The following PIP4K2A variants were observed in gnomAD, a reference collection of about 807,000 sequenced individuals.
The protein encoded by PIP4K2A is phosphatidylinositol 5-phosphate 4-kinase type-2 alpha.
Under a neutral mutation model 42.9 loss-of-function variants are expected in PIP4K2A, and 14 were observed. The ratio of observed to expected loss-of-function variants is 0.33; its 90% confidence interval spans 0.22 to 0.51. The LOEUF (loss-of-function observed/expected upper bound fraction) is 0.51, where lower values mean the gene tolerates loss of function less well. Ranked by LOEUF, PIP4K2A falls within the 20% of genes least tolerant of loss-of-function variation. The pLI is 0.97. For missense variants in PIP4K2A, 434 were observed against 519.8 expected, an observed-to-expected ratio of 0.83 and a Z score of 1.61; for synonymous variants, 192 against 192.2, an observed-to-expected ratio of 1.00 and a Z score of 0.01.
chr10:22,702,504 G>C (rs537690117), intron 1 of PIP4K2A, among the ~76,000 whole-genome samples: 2 of 152,310 alleles, frequency 1.3e-5, no homozygotes, highest in South Asian at 2.1e-4. Flanking sequence ...GACACTGTTT[G>C]AAAGAAGTTG....
At chr10:22,585,751 C>A (rs937400256) in intron 4 of PIP4K2A, among the ~76,000 whole-genome samples, 2 of 152,046 alleles carry the variant, frequency 1.3e-5, no homozygotes, top group African/African-American at 4.8e-5. Context: ...CAGGCATACA[C>A]CCCCAGCTAA....
intron 4 of PIP4K2A, among the ~76,000 whole-genome samples, chr10:22,577,231 G>A (rs751100963): frequency 2.6e-5 from 4 of 152,074 alleles, no homozygotes; most frequent in Non-Finnish European, 4.4e-5. Flanking sequence ...CCTACTTCAG[G>A]TGGAAAAGGG....
chr10:22,683,520 T>C (rs1246900088), intron 1 of PIP4K2A, among the ~76,000 whole-genome samples: 1 of 152,190 alleles, frequency 6.6e-6, no homozygotes, highest in African/African-American at 2.4e-5. Context: ...GTCCCCAGCC[T>C]TCTCCTCAGT....
intron 1 of PIP4K2A, among the ~76,000 whole-genome samples, chr10:22,647,322 GTA>G (rs1491034667): frequency 5.8e-4 from 50 of 86,628 alleles, no homozygotes; most frequent in South Asian, 1.2e-3. Context: ...GTGTGTGTGT[GTA>G]TGTGTGTGTG....
intron 6 of PIP4K2A, among the ~76,000 whole-genome samples, chr10:22,565,915 G>C (rs1371435760): frequency 6.6e-6 from 1 of 152,074 alleles, no homozygotes; most frequent in African/African-American, 2.4e-5. Context: ...AGCGCTCCCA[G>C]GCTTATTAGG....
chr10:22,664,104 C>CATATATATACAT (rs1839276649), intron 1 of PIP4K2A, among the ~76,000 whole-genome samples: 1 of 50,374 alleles, frequency 2.0e-5, no homozygotes, highest in East Asian at 3.5e-4. Flanking sequence ...TATATATATA[C>CATATATATACAT]ATATATATAT....
At chr10:22,568,657 C>T (rs1359686864) in intron 5 of PIP4K2A, among the ~76,000 whole-genome samples, 1 of 152,130 alleles carries the variant, frequency 6.6e-6, no homozygotes, top group Admixed American at 6.5e-5. Context: ...TCTAGCATGA[C>T]CTGAGTCTAC....
intron 3 of PIP4K2A, among the ~76,000 whole-genome samples, chr10:22,601,345 G>C (rs1837770709): frequency 6.6e-6 from 1 of 151,342 alleles, no homozygotes; most frequent in African/African-American, 2.5e-5. Context: ...GTGGGGGCAG[G>C]TGGTGGTAGG....
chr10:22,549,346 TTTTTC>T (rs1457681485), intron 7 of PIP4K2A, among the ~76,000 whole-genome samples: 1 of 151,578 alleles, frequency 6.6e-6, no homozygotes, highest in Non-Finnish European at 1.5e-5. Flanking sequence ...CGTCATTTTC[TTTTTC>T]TTTTTTTTTT....
intron 3 of PIP4K2A, among the ~76,000 whole-genome samples, chr10:22,593,284 A>G (rs978018890): frequency 2.0e-5 from 3 of 152,250 alleles, no homozygotes; most frequent in African/African-American, 4.8e-5. Flanking sequence ...TGCCAGATGC[A>G]GAGTCCAGGC....
intron 4 of PIP4K2A, among the ~76,000 whole-genome samples, chr10:22,579,281 G>C (rs926066903): frequency 1.3e-5 from 2 of 152,162 alleles, no homozygotes; most frequent in African/African-American, 4.8e-5. Flanking sequence ...CAGCATCACG[G>C]GAGAAACAGA....
intron 3 of PIP4K2A, among the ~76,000 whole-genome samples, chr10:22,601,032 TCA>T (rs1473719200): frequency 2.1e-5 from 3 of 145,460 alleles, no homozygotes; most frequent in African/African-American, 7.6e-5. Flanking sequence ...TGCAGAAACT[TCA>T]CAGAGTGCCA....
At chr10:22,698,039 G>C (rs928013717) in intron 1 of PIP4K2A, among the ~76,000 whole-genome samples, 1 of 152,262 alleles carries the variant, frequency 6.6e-6, no homozygotes, top group Non-Finnish European at 1.5e-5. Flanking sequence ...CTGCTTCTGG[G>C]ATGCAGGCAC....
intron 1 of PIP4K2A, among the ~76,000 whole-genome samples, chr10:22,620,901 G>C (rs558748855): frequency 1.3e-5 from 2 of 152,312 alleles, no homozygotes; most frequent in East Asian, 3.9e-4. Context: ...ACCTCTTTAA[G>C]TGTTTCATTT....
intron 4 of PIP4K2A, among the ~76,000 whole-genome samples, chr10:22,578,276 T>G (rs1355363576): frequency 6.6e-6 from 1 of 152,214 alleles, no homozygotes; most frequent in African/African-American, 2.4e-5. Flanking sequence ...CTGTCTACGC[T>G]TATTTTCTGT....
intron 1 of PIP4K2A, among the ~76,000 whole-genome samples, chr10:22,658,075 A>G (rs1171265882): frequency 6.6e-6 from 1 of 152,250 alleles, no homozygotes; most frequent in African/African-American, 2.4e-5. Flanking sequence ...AGCTATGAAT[A>G]AAATGCAAGA....
chr10:22,612,875 G>C (rs1232286451), intron 1 of PIP4K2A, among the ~76,000 whole-genome samples: 1 of 152,120 alleles, frequency 6.6e-6, no homozygotes, highest in Non-Finnish European at 1.5e-5. Flanking sequence ...GGGCAGCAGG[G>C]GCAAGAGATA....
intron 1 of PIP4K2A, among the ~76,000 whole-genome samples, chr10:22,660,996 C>G (rs1839195389): frequency 6.6e-6 from 1 of 152,178 alleles, no homozygotes; most frequent in Non-Finnish European, 1.5e-5. Flanking sequence ...TGTGGGACAA[C>G]AGGAGAGCGG....
Position 22,657,206 on chromosome 10 carries a change from G to A in PIP4K2A, c.145-47489C>T, listed in dbSNP as rs150716154. ...CAGAACATTCTCAGAAGCACCAACC[G>A]CCCCAGACAGCTGGTGGAGATAACT... On this transcript the variant is annotated intron_variant, in intron 1 of 9. Coordinates refer to ENST00000376573, the MANE Select transcript of PIP4K2A (RefSeq NM_005028.5). Among the ~76,000 whole-genome samples the A allele has an allele frequency of 7.2e-5, 11 of 152,290 alleles. No homozygotes were observed. In the East Asian group the frequency reaches 1.4e-3, roughly 19 times the overall value.
Sources: gnomAD v4.1 joint callset for allele counts (sites outside exome capture counted in the v4.1 genomes callset) on GRCh38, gnomAD v4.1.1 for gene constraint, MANE v1.5 for transcripts, NCBI Gene and HGNC (gene_info 2026-07-23, HGNC 2026-07-21) for gene names.